Variants in GCFC2 observed in about 807,000 individuals in gnomAD.
GCFC2 encodes GC-rich sequence DNA-binding factor 2.
Under a neutral mutation model 99.4 loss-of-function variants are expected in GCFC2, and 102 were observed. The observed-to-expected ratio is 1.03, with a 90% CI of 0.87 to 1.21. The LOEUF is 1.21. Ranked by LOEUF, GCFC2 falls within the 50% of genes most tolerant of loss-of-function variation. The pLI, the probability that GCFC2 is intolerant of heterozygous loss-of-function variation, is 0.00. For missense variants in GCFC2, 973 were observed against 920.9 expected (o/e 1.06, Z -0.73); for synonymous variants, 338 against 316.8 (o/e 1.07, Z -0.71).
At chr2:75,708,753 C>G (rs1483946279) in intron 1 of GCFC2, among the ~76,000 whole-genome samples, 2 of 151,974 alleles carry the variant, frequency 1.3e-5, no homozygotes, top group Non-Finnish European at 2.9e-5. Flanking sequence ...TCTTGATACA[C>G]CTGCCTCGGC....
Position 75,690,013 on chromosome 2 carries a change from T to C in GCFC2, c.1295A>G (p.Asp432Gly), listed in dbSNP as rs759414390. 6 of 1,609,636 alleles carry C rather than the reference T, an allele frequency of 3.7e-6. No individual in the cohort carries two copies. Among genetic ancestry groups the C allele is most frequent in the Admixed American group, 3.4e-5 (2 of 59,564 alleles). Residue 432 changes from aspartate (D) to glycine (G), a missense_variant, in exon 9 of 17, where the codon GAT becomes GGT. Asp to Gly is a moderately conservative substitution (Grantham distance 94, BLOSUM62 -1). Transcript: ENST00000321027. ...AATCATCTCTGCTGAAGGCAGTTCA[T>C]CATCACTAGATGTTCCTTCCTGATG... ...CNHQEGTSSD[D>G]ELPSAEMIDF...
intron 12 of GCFC2, among the ~76,000 whole-genome samples, chr2:75,676,902 G>A (rs1679367580): frequency 6.6e-6 from 1 of 152,030 alleles, no homozygotes; most frequent in South Asian, 2.1e-4. Flanking sequence ...TTTTGTCACT[G>A]ACACATTTCA....
rs538844140 is a variant in GCFC2, at chr2:75,675,927, G to GTA, written c.1813-2409_1813-2408dup. On this transcript the variant is annotated intron_variant, in intron 12 of 16. Transcript: ENST00000321027. ...TTCAGACTCACATACAACCCTTTGT[G>GTA]TATATATATATACTTTGAAACAGCT... Among the ~76,000 whole-genome samples, 1,260 of 151,768 alleles carry GTA rather than the reference G, an allele frequency of 8.3e-3. 10 individuals are homozygous for GTA. Among genetic ancestry groups the GTA allele is most frequent in the South Asian group, 0.016 (79 of 4,814 alleles).
At position 75,666,043 on chromosome 2, in the gene GCFC2, C is replaced by A. The variant is rs752893607; in HGVS notation, c.2114G>T (p.Cys705Phe). The A allele has an allele frequency of 4.4e-6, 7 of 1,603,814 alleles. No individual in the cohort carries two copies. The highest frequency in any genetic ancestry group is 6.0e-6 in the Non-Finnish European group (7 of 1,174,532). The change falls in exon 16 of 17, where the codon TGT becomes TTT. Residue 705 changes from cysteine (C) to phenylalanine (F), a missense_variant. Coordinates refer to ENST00000321027, the MANE Select transcript of GCFC2 (RefSeq NM_003203.5). ...VVKKCNQVAA[C>F]LPEKWFENSA... ...ATTTTCAAACCATTTTTCTGGTAGA[C>A]ATGCTGCTACCTGTTAATCAAAACA...
rs73936802 is a variant in GCFC2, at chr2:75,693,993, T to A, written c.1020+248A>T. Among the ~76,000 whole-genome samples, 1,370 of 152,150 alleles carry A rather than the reference T, an allele frequency of 9.0e-3. 17 individuals carry two copies. The highest frequency in any genetic ancestry group is 0.031 in the African/African-American group (1,285 of 41,526). Reference sequence around the variant, plus strand: ...TTTATTTGACTTCATTTTCAAGGAATTTTCCTTAAACAGAAGAAATTATAA... The same window carrying A: ...TTTATTTGACTTCATTTTCAAGGAAATTTCCTTAAACAGAAGAAATTATAA... On this transcript the variant is annotated intron_variant, in intron 6 of 16. Transcript: ENST00000321027.
At chr2:75,705,316 T>C (rs1221957697) in intron 2 of GCFC2, among the ~76,000 whole-genome samples, 2 of 152,096 alleles carry the variant, frequency 1.3e-5, no homozygotes, top group African/African-American at 4.8e-5. Context: ...TGTTGTTATT[T>C]AATAGGCTAA....
chr2:75,672,089 C>G, intron 13 of GCFC2, 73 bp from the exon 14 acceptor site: 3 of 730,688 alleles, frequency 4.1e-6, no homozygotes, highest in Non-Finnish European at 7.0e-6. Context: ...AGTTTAAGAT[C>G]AGACTTTCTT....
upstream of GCFC2, chr2:75,710,972 C>A: frequency 1.5e-6 from 2 of 1,368,040 alleles, no homozygotes; most frequent in Non-Finnish European, 1.9e-6. Context: ...GCGCGCCCGT[C>A]CCGCCTGCCT....
chr2:75,697,117 G>A (rs1167433349), intron 4 of GCFC2, among the ~76,000 whole-genome samples: 1 of 152,110 alleles, frequency 6.6e-6, no homozygotes, highest in Non-Finnish European at 1.5e-5. Context: ...TCTGGTCCTT[G>A]TAAAGAAATG....
At chr2:75,691,514 T>C (rs1436626547) in intron 7 of GCFC2, among the ~76,000 whole-genome samples, 2 of 151,926 alleles carry the variant, frequency 1.3e-5, no homozygotes, top group African/African-American at 4.8e-5. Context: ...TCTTTCACTA[T>C]CTCCTGATAG....
chr2:75,691,965 A>G lies in GCFC2; in HGVS notation c.1144+12T>C. On this transcript the variant is annotated intron_variant, in intron 7 of 16. Coordinates refer to ENST00000321027, the MANE Select transcript of GCFC2 (RefSeq NM_003203.5). ...TGAATAATAAATTGTATGGAACACG[A>G]AAAACACTAACGTGATAACTGTTGT... 2 of 1,430,162 alleles carry G rather than the reference A, an allele frequency of 1.4e-6. No individual in the cohort carries two copies. The highest frequency in any genetic ancestry group is 1.9e-6 in the Non-Finnish European group (2 of 1,068,742). The allele number at this position is 1,430,162 out of a possible 1,614,324, so 88.6% of individuals were successfully genotyped here. A position where few individuals can be genotyped will look rare whatever the true frequency, so the allele number is the denominator to read the frequency against.
intron 11 of GCFC2, among the ~76,000 whole-genome samples, chr2:75,686,867 AG>A (rs1679839527): frequency 6.6e-6 from 1 of 152,232 alleles, no homozygotes; most frequent in South Asian, 2.1e-4. Flanking sequence ...CTTCATGCTA[AG>A]GTCTGAAGCA....
At chr2:75,668,144 A>C (rs1477452218) in intron 15 of GCFC2, among the ~76,000 whole-genome samples, 2 of 152,210 alleles carry the variant, frequency 1.3e-5, no homozygotes, top group African/African-American at 4.8e-5. Flanking sequence ...CTAAAGTCTG[A>C]TCAAATAATG....
chr2:75,712,422 G>A (rs1681224940), upstream of GCFC2, among the ~76,000 whole-genome samples: 1 of 152,148 alleles, frequency 6.6e-6, no homozygotes, highest in Non-Finnish European at 1.5e-5. Flanking sequence ...TGATGGGGAT[G>A]TGGAGAACTT....
At chr2:75,672,592 T>C (rs1679156116) in intron 13 of GCFC2, among the ~76,000 whole-genome samples, 1 of 152,060 alleles carries the variant, frequency 6.6e-6, no homozygotes. Context: ...TCATTATAAC[T>C]GATGGCTTCT....
intron 14 of GCFC2, among the ~76,000 whole-genome samples, chr2:75,671,424 A>G (rs1330800038): frequency 5.3e-5 from 8 of 152,314 alleles, no homozygotes; most frequent in Non-Finnish European, 8.8e-5. Context: ...TTTGTCCCAC[A>G]TATATCTTCA....
intron 8 of GCFC2, 91 bp from the exon 9 acceptor site, chr2:75,690,172 ATAAG>A (rs1270306815): frequency 2.8e-6 from 2 of 712,090 alleles, no homozygotes; most frequent in Non-Finnish European, 5.0e-6. Flanking sequence ...CTTGCTGAAA[ATAAG>A]TAATTTTATC....
intron 12 of GCFC2, among the ~76,000 whole-genome samples, chr2:75,676,210 T>A (rs1455940094): frequency 2.6e-5 from 4 of 152,234 alleles, no homozygotes; most frequent in Admixed American, 2.6e-4. Flanking sequence ...TCCCAAGTGA[T>A]GTTTAGACTT....
chr2:75,711,534 G>A (rs1681183639), upstream of GCFC2, among the ~76,000 whole-genome samples: 1 of 152,216 alleles, frequency 6.6e-6, no homozygotes, highest in Non-Finnish European at 1.5e-5. Context: ...GTATCTGTAT[G>A]GTAGAAATAC....
Sources: gnomAD v4.1 joint callset for allele counts (sites outside exome capture counted in the v4.1 genomes callset) on GRCh38, gnomAD v4.1.1 for gene constraint, MANE v1.5 for transcripts, NCBI Gene and HGNC (gene_info 2026-07-23, HGNC 2026-07-21) for gene names.